Variants in VPS54 observed in about 807,000 individuals in gnomAD.
VPS54 encodes VPS54 subunit of GARP complex.
Under a neutral mutation model 121.5 loss-of-function variants are expected in VPS54, and 45 were observed. The observed-to-expected ratio is 0.37, with a 90% CI of 0.29 to 0.47. The LOEUF is 0.47. Ranked by LOEUF, VPS54 falls within the 20% of genes least tolerant of loss-of-function variation. The pLI is 0.99. For synonymous variants in VPS54, 371 were observed against 385.8 expected (o/e 0.96, Z 0.45); for missense variants, 1,090 against 1,131.4 (o/e 0.96, Z 0.52).
At chr2:63,894,709 A>T (rs1041248621) in intron 22 of VPS54, among the ~76,000 whole-genome samples, 1 of 152,078 alleles carries the variant, frequency 6.6e-6, no homozygotes, top group African/African-American at 2.4e-5. Flanking sequence ...TCCAAAAAAA[A>T]AAAAAAGGTT....
chr2:63,985,203 C>T (rs974241316), intron 1 of VPS54, among the ~76,000 whole-genome samples: 12 of 152,130 alleles, frequency 7.9e-5, no homozygotes, highest in African/African-American at 2.9e-4. Context: ...GCCTGTAGTC[C>T]AGTTACTCAG....
chr2:64,019,065 G>T lies in VPS54; in HGVS notation c.-148C>A, dbSNP rs1678855035. On this transcript the variant is annotated 5_prime_UTR_variant, in exon 1 of 23. Transcript: ENST00000272322. The stretch of plus-strand genomic sequence containing the variant: ...CCGGCGCCCGGCCGGGCCCGAGCCC[G>T]GGTTCCCGCCCCCGCCCCGCGCCCG... The T allele has an allele frequency of 6.7e-6, 1 of 150,352 alleles. No homozygotes were observed. The highest frequency in any genetic ancestry group is 2.4e-5 in the African/African-American group (1 of 40,852). The allele number at this position is 150,352 out of a possible 1,614,324, so 9.3% of individuals were successfully genotyped here.
intron 1 of VPS54, among the ~76,000 whole-genome samples, chr2:64,005,889 GACCT>G (rs1678120373): frequency 6.6e-6 from 1 of 152,134 alleles, no homozygotes; most frequent in African/African-American, 2.4e-5. Flanking sequence ...CCTTGCTCTA[GACCT>G]ACCTTTGAGT....
chr2:63,950,223 A>AC (rs1290801904), intron 7 of VPS54, among the ~76,000 whole-genome samples: 1 of 152,144 alleles, frequency 6.6e-6, no homozygotes, highest in Non-Finnish European at 1.5e-5. Flanking sequence ...GGTCTTCACA[A>AC]CTTTTTCTAT....
At chr2:63,896,462 A>G (rs1672449916) in intron 22 of VPS54, among the ~76,000 whole-genome samples, 1 of 152,194 alleles carries the variant, frequency 6.6e-6, no homozygotes, top group Non-Finnish European at 1.5e-5. Context: ...TAAGTGTTCC[A>G]TGGCTTTGAA....
intron 10 of VPS54, among the ~76,000 whole-genome samples, chr2:63,943,794 G>T (rs1674850179): frequency 7.1e-6 from 1 of 141,480 alleles, no homozygotes; most frequent in African/African-American, 2.7e-5. Flanking sequence ...GCACAATCAT[G>T]GCTCACTGAA....
intron 15 of VPS54, among the ~76,000 whole-genome samples, chr2:63,917,466 C>T (rs1424561881): frequency 3.3e-5 from 5 of 151,952 alleles, no homozygotes; most frequent in African/African-American, 1.2e-4. Context: ...ATTTTTAATA[C>T]TTCAACCCAG....
chr2:63,936,901 G>C (rs1048456687), intron 11 of VPS54, among the ~76,000 whole-genome samples: 2 of 152,002 alleles, frequency 1.3e-5, no homozygotes, highest in Non-Finnish European at 2.9e-5. Flanking sequence ...AATGCAGAAA[G>C]GTCAGTCTTT....
At chr2:63,907,789 A>C (rs1199587745) in intron 20 of VPS54, among the ~76,000 whole-genome samples, 1 of 152,124 alleles carries the variant, frequency 6.6e-6, no homozygotes, top group Non-Finnish European at 1.5e-5. Flanking sequence ...ACACTTTACC[A>C]AAGATATGAA....
chr2:63,929,783 A>C (rs1438863368), intron 12 of VPS54, among the ~76,000 whole-genome samples: 1 of 115,344 alleles, frequency 8.7e-6, no homozygotes, highest in Non-Finnish European at 2.1e-5. Flanking sequence ...GACTAATAAG[A>C]AGAGAAAGAA....
intron 11 of VPS54, among the ~76,000 whole-genome samples, chr2:63,938,060 G>GTGTGTGTC (rs1491118575): frequency 7.0e-5 from 1 of 14,358 alleles, no homozygotes; most frequent in Non-Finnish European, 2.4e-4. Context: ...GGTGTGTGTG[G>GTGTGTGTC]TGTGTGTGTG....
chr2:63,913,287 C>G lies in VPS54; in HGVS notation c.2358G>C (p.Gln786His). ...GCAGTGCACCAGCTCCAAGAACTAA[C>G]TGGCAACTTCTTGAATTGAAGTACT... ...LLKYFNSRSC[Q>H]LVLGAGALQV... The change falls in exon 18 of 23, where the codon CAG becomes CAC. Residue 786 changes from glutamine (Q) to histidine (H), a missense_variant. Gln to His is a conservative substitution (Grantham distance 24, BLOSUM62 0). Coordinates refer to ENST00000272322, the MANE Select transcript of VPS54 (RefSeq NM_016516.3). 6.2e-7 allele frequency: 1 copy of G among 1,610,498 alleles called. No homozygotes were observed. The highest frequency in any genetic ancestry group is 8.5e-7 in the Non-Finnish European group (1 of 1,178,634).
Position 63,972,274 on chromosome 2 carries a change from G to T in VPS54, c.379-30C>A, listed in dbSNP as rs745927877. 8 of 1,498,490 alleles carry T rather than the reference G, an allele frequency of 5.3e-6. No homozygotes were observed. In the Admixed American group the frequency reaches 1.0e-4, roughly 20 times the overall value. The allele number at this position is 1,498,490 out of a possible 1,614,324, so 92.8% of individuals were successfully genotyped here. Reference sequence around the variant, plus strand: ...TAAAAAGACAAATAACATCATCAATGTATGTGTAAACATGAGTATTCAAAG... The same window carrying T: ...TAAAAAGACAAATAACATCATCAATTTATGTGTAAACATGAGTATTCAAAG... On this transcript the variant is annotated intron_variant, in intron 3 of 22. Transcript: ENST00000272322.
intron 20 of VPS54, among the ~76,000 whole-genome samples, chr2:63,903,110 C>T (rs2104410174): frequency 6.6e-6 from 1 of 152,168 alleles, no homozygotes; most frequent in African/African-American, 2.4e-5. Context: ...AAACACACAA[C>T]AGGTCCAAGA....
intron 11 of VPS54, among the ~76,000 whole-genome samples, chr2:63,940,593 G>A (rs977973517): frequency 6.6e-6 from 1 of 151,746 alleles, no homozygotes; most frequent in Non-Finnish European, 1.5e-5. Context: ...GTTTCCTTCA[G>A]TGTTATTGAA....
chr2:63,984,137 ATT>A, intron 1 of VPS54, 118 bp from the exon 2 acceptor site: 1 of 806,102 alleles, frequency 1.2e-6, no homozygotes, highest in East Asian at 2.9e-5. Context: ...AAAGTAGGCA[ATT>A]TGAATATTTG....
At position 63,942,540 on chromosome 2, in the gene VPS54, C is replaced by T. The variant is rs1401589915; in HGVS notation, c.1323G>A (p.Met441Ile). ...VVVKLADQMRMLNFPQWFDLL... is the reference protein window; with the variant it reads ...VVVKLADQMRILNFPQWFDLL... The stretch of plus-strand genomic sequence containing the variant: ...GATCAAACCACTGGGGAAAATTCAA[C>T]ATTCTCATCTGATCTGCAAGCCTAG... Residue 441 changes from methionine (M) to isoleucine (I), a missense_variant, in exon 11 of 23, where the codon ATG (methionine) becomes ATA (isoleucine). Coordinates refer to ENST00000272322, the MANE Select transcript of VPS54 (RefSeq NM_016516.3). The T allele has an allele frequency of 6.3e-7, 1 of 1,592,728 alleles. No individual in the cohort carries two copies. Among genetic ancestry groups the T allele is most frequent in the Admixed American group, 1.7e-5 (1 of 57,614 alleles).
intron 1 of VPS54, among the ~76,000 whole-genome samples, chr2:63,998,371 T>C (rs1420692113): frequency 2.0e-5 from 3 of 152,318 alleles, no homozygotes; most frequent in East Asian, 3.9e-4. Context: ...AGCCTCTTTA[T>C]GTCTTGTGAT....
chr2:64,009,441 G>A (rs1048737896), intron 1 of VPS54, among the ~76,000 whole-genome samples: 1 of 151,850 alleles, frequency 6.6e-6, no homozygotes, highest in African/African-American at 2.4e-5. Flanking sequence ...TCAGCCTCCT[G>A]AGTAGCTAAG....
Sources: allele counts gnomAD v4.1 joint callset (sites outside exome capture counted in the v4.1 genomes callset), GRCh38; gene constraint gnomAD v4.1.1; transcripts MANE v1.5; gene names NCBI Gene and HGNC (gene_info 2026-07-23, HGNC 2026-07-21).